The following SRP19 variants were observed in gnomAD, a reference collection of about 807,000 sequenced individuals.
SRP19 encodes signal recognition particle 19 kDa protein.
In SRP19, 11 loss-of-function variants were observed where a neutral mutation model predicts 22.4. That is an observed-to-expected ratio of 0.49 (90% confidence interval 0.31 to 0.81). The LOEUF (loss-of-function observed/expected upper bound fraction) is 0.81. Among genes scored for constraint, SRP19 ranks in the 40% least tolerant of loss-of-function variants. The pLI is 0.05. For synonymous variants in SRP19, 61 were observed against 57.6 expected (o/e 1.06, Z -0.27); for missense variants, 168 against 175.9 (o/e 0.96, Z 0.25).
In SRP19 at chr5:112,867,691, GAAAC is replaced by G. The variant is rs772671235; in HGVS notation, c.*158_*161del. On this transcript the variant is annotated 3_prime_UTR_variant, in exon 5 of 5. Transcript: ENST00000505459. ...CATCTTTATCATCGGAGTTGACAGTGAAACAAATTTACATCAGAAGTTTGCATCT... is the reference window on the plus strand; with the variant it reads ...CATCTTTATCATCGGAGTTGACAGTGAAATTTACATCAGAAGTTTGCATCT... The G allele has an allele frequency of 8.7e-5, 118 of 1,351,904 alleles. No individual in the cohort carries two copies. Among genetic ancestry groups the G allele is most frequent in the Admixed American group, 3.9e-4 (12 of 30,460 alleles). The allele number at this position is 1,351,904 out of a possible 1,614,324, so 83.7% of individuals were successfully genotyped here. A position where few individuals can be genotyped will look rare whatever the true frequency, so the allele number is the denominator to read the frequency against.
Position 112,864,439 on chromosome 5 carries a change from A to C in SRP19, c.118-18A>C. ...CTTAAAGCACATATATTTAGTGTTTATGTTTTTAACTGTTCAGGCTGTTGA... is the reference window on the plus strand; with the variant it reads ...CTTAAAGCACATATATTTAGTGTTTCTGTTTTTAACTGTTCAGGCTGTTGA... On this transcript the variant is annotated intron_variant, in intron 2 of 4. Coordinates refer to ENST00000505459, the MANE Select transcript of SRP19 (RefSeq NM_003135.3). 6.2e-7 allele frequency: 1 copy of C among 1,607,722 alleles called. No individual in the cohort carries two copies. The highest frequency in any genetic ancestry group is 8.5e-7 in the Non-Finnish European group (1 of 1,175,514).
At chr5:112,885,564 T>C (rs1159197681) in intron 4 of SRP19, 1 of 253,622 alleles carries the variant, frequency 3.9e-6, no homozygotes, top group Non-Finnish European at 8.4e-6. Flanking sequence ...CTTCCCAGTA[T>C]GATATCCTGT....
exon 5 of SRP19, chr5:112,892,715 G>C (rs1281820146): frequency 1.2e-6 from 2 of 1,614,066 alleles, no homozygotes; most frequent in South Asian, 2.2e-5. Context: ...GATCAGACTG[G>C]CTCCTCCTTT....
At position 112,868,006 on chromosome 5, in the gene SRP19, A is replaced by G. The variant is rs905230245; in HGVS notation, c.*469A>G. On this transcript the variant is annotated 3_prime_UTR_variant, in exon 5 of 5. Transcript: ENST00000505459. The stretch of plus-strand genomic sequence containing the variant: ...TTCCATAGTGTGAGGCTAAAACTAG[A>G]AGAAACTGTGGTAGGTCCTTTTGTG... The G allele has an allele frequency of 2.0e-6, 2 of 986,424 alleles. No individual in the cohort carries two copies. The highest frequency in any genetic ancestry group is 2.4e-6 in the Non-Finnish European group (2 of 830,568). The allele number at this position is 986,424 out of a possible 1,614,324, so 61.1% of individuals were successfully genotyped here.
At chr5:112,877,344 TGTTA>T (rs1457428783) in intron 4 of SRP19, 1 of 152,232 alleles carries the variant, frequency 6.6e-6, no homozygotes, top group Non-Finnish European at 1.5e-5. Flanking sequence ...TATTTAATCT[TGTTA>T]GTTTAGTTAT....
chr5:112,889,986 C>T (rs1768384272), intron 4 of SRP19, among the ~76,000 whole-genome samples: 1 of 150,408 alleles, frequency 6.6e-6, no homozygotes, highest in South Asian at 2.1e-4. Flanking sequence ...ACCACCATGC[C>T]CAGCTAATTT....
rs753473997 is a variant in SRP19, at chr5:112,864,617, T to G, written c.190-4T>G. On this transcript the variant is annotated splice_region_variant and splice_polypyrimidine_tract_variant and intron_variant, in intron 3 of 4. Transcript: ENST00000505459. ...CTGTTTTTCTTTTGTTTCGTTTATGTTAGAAAAATAAAATGTACTCTAGAG... is the reference window on the plus strand; with the variant it reads ...CTGTTTTTCTTTTGTTTCGTTTATGGTAGAAAAATAAAATGTACTCTAGAG... The G allele has an allele frequency of 1.2e-6, 2 of 1,613,506 alleles. No individual in the cohort carries two copies. The highest frequency in any genetic ancestry group is 1.7e-6 in the Non-Finnish European group (2 of 1,179,484).
chr5:112,871,889 G>A (rs1767770070), downstream of SRP19, among the ~76,000 whole-genome samples: 1 of 152,202 alleles, frequency 6.6e-6, no homozygotes, highest in African/African-American at 2.4e-5. Flanking sequence ...GAATCTTAAT[G>A]AGACAGTTGA....
intron 4 of SRP19, among the ~76,000 whole-genome samples, chr5:112,865,514 T>G (rs1327550429): frequency 6.6e-6 from 1 of 152,258 alleles, no homozygotes; most frequent in Non-Finnish European, 1.5e-5. Context: ...TAATTTTTTC[T>G]TTCAGTTTAA....
intron 4 of SRP19, chr5:112,887,041 T>C: frequency 6.2e-7 from 1 of 1,612,574 alleles, no homozygotes; most frequent in Non-Finnish European, 8.5e-7. Context: ...ATCTGCAGTC[T>C]CTTTGGCCTT....
At chr5:112,893,268 G>T (rs1423655421), downstream of SRP19, 3 of 273,362 alleles carry the variant, frequency 1.1e-5, no homozygotes, top group Admixed American at 1.5e-4. Flanking sequence ...AAATTAGCCA[G>T]GTGTGGTGGC....
chr5:112,868,077 T>C lies in SRP19; in HGVS notation c.*540T>C. The C allele has an allele frequency of 1.3e-5, 13 of 985,396 alleles. No individual in the cohort carries two copies. The highest frequency in any genetic ancestry group is 1.6e-5 in the Non-Finnish European group (13 of 829,906). 61.0% of individuals were successfully genotyped at this position (985,396 alleles called of 1,614,324 possible). On this transcript the variant is annotated 3_prime_UTR_variant, in exon 5 of 5. Transcript: ENST00000505459. ...GTAAAAAGCCAGTCTGTAGATGATA[T>C]TTTAATATATTATTGTAATCGAATC... is the stretch of plus-strand genomic sequence containing the variant.
In SRP19 at chr5:112,861,404, G is replaced by A. The variant is rs768531224; in HGVS notation, c.28G>A (p.Ala10Thr). ...GGCTTGCGCTGCCGCGCGGTCCCCG[G>A]CCGACCAGGACAGGTGGGTTCTGAG... MACAAARSPADQDRFICIYP... is the reference protein window; with the variant it reads MACAAARSPTDQDRFICIYP... Residue 10 changes from alanine (A) to threonine (T), a missense_variant, in exon 1 of 5, where the codon GCC (alanine) becomes ACC (threonine). Ala to Thr is a moderately conservative substitution (Grantham distance 58). Coordinates refer to ENST00000505459, the MANE Select transcript of SRP19 (RefSeq NM_003135.3). 1.9e-5 allele frequency: 30 copies of A among 1,614,008 alleles called. No homozygotes were observed. The highest frequency in any genetic ancestry group is 2.2e-5 in the Non-Finnish European group (26 of 1,180,052).
intron 4 of SRP19, chr5:112,885,580 A>G (rs555463321): frequency 3.9e-6 from 1 of 259,034 alleles, no homozygotes; most frequent in African/African-American, 2.3e-5. Context: ...CCTGTTGGGC[A>G]TTCTGGACAA....
At chr5:112,874,902 A>G (rs959465685) in intron 4 of SRP19, among the ~76,000 whole-genome samples, 1 of 151,942 alleles carries the variant, frequency 6.6e-6, no homozygotes, top group Non-Finnish European at 1.5e-5. Context: ...CAGCCTCCCA[A>G]GTAGCTGGGA....
chr5:112,897,433 C>T (rs10046063), downstream of SRP19: 5,064 of 151,702 alleles, frequency 0.033, 122 homozygotes, highest in Non-Finnish European at 0.051. Flanking sequence ...TTGTTTTATT[C>T]GCCAAAGTAT....
At chr5:112,875,757 T>C (rs1320173342) in intron 4 of SRP19, among the ~76,000 whole-genome samples, 1 of 152,134 alleles carries the variant, frequency 6.6e-6, no homozygotes, top group African/African-American at 2.4e-5. Flanking sequence ...AAAAGTTTAC[T>C]ACATCAAAGC....
chr5:112,893,027 G>A (rs1350174571), exon 5 of SRP19: 16 of 1,521,032 alleles, frequency 1.1e-5, no homozygotes, highest in Non-Finnish European at 1.5e-5. Context: ...AGTCGTGGGA[G>A]GAGGAAGTCG....
chr5:112,893,023 G>T, exon 5 of SRP19: 1 of 1,540,184 alleles, frequency 6.5e-7, no homozygotes, highest in South Asian at 1.1e-5. Context: ...CCGAAGTCGT[G>T]GGAGGAGGAA....
Sources: allele counts gnomAD v4.1 joint callset (sites outside exome capture counted in the v4.1 genomes callset), GRCh38; gene constraint gnomAD v4.1.1; transcripts MANE v1.5; gene names NCBI Gene and HGNC (gene_info 2026-07-23, HGNC 2026-07-21).